Variants in RPS6KC1 observed in about 807,000 individuals in gnomAD.
RPS6KC1 encodes the protein inactive ribosomal protein S6 kinase delta-1.
RPS6KC1 carries 54 observed loss-of-function variants against 103.8 expected under a neutral mutation model. That is an observed-to-expected ratio of 0.52 (90% CI 0.42 to 0.65). The LOEUF (loss-of-function observed/expected upper bound fraction) is 0.65. Among genes scored for constraint, RPS6KC1 ranks in the 30% least tolerant of loss-of-function variants. The pLI, the probability that RPS6KC1 is intolerant of heterozygous loss-of-function variation, is 0.00. For synonymous variants in RPS6KC1, 439 were observed against 438.7 expected (o/e 1.00, Z -0.01); for missense variants, 1,151 against 1,253.8 (o/e 0.92, Z 1.24).
At chr1:213,139,035 A>G (rs374288019) in intron 6 of RPS6KC1, among the ~76,000 whole-genome samples, 1 of 152,262 alleles carries the variant, frequency 6.6e-6, no homozygotes, top group South Asian at 2.1e-4. Context: ...TGACTTTGTA[A>G]TAACAGCCAT....
At chr1:213,504,784 T>G in the RPS6KC1 span, among the ~76,000 whole-genome samples, 1 of 152,186 alleles carries the variant, frequency 6.6e-6, no homozygotes. Context: ...TTTTTTCCCC[T>G]CTCTCTGGAA....
intron 3 of RPS6KC1, among the ~76,000 whole-genome samples, chr1:213,078,155 A>G (rs1288069409): frequency 6.6e-6 from 1 of 151,090 alleles, no homozygotes; most frequent in Non-Finnish European, 1.5e-5. Flanking sequence ...TGTTTCCCTG[A>G]CACTTTGCTT....
the RPS6KC1 span, among the ~76,000 whole-genome samples, chr1:213,489,206 A>G: frequency 6.6e-6 from 1 of 152,160 alleles, no homozygotes; most frequent in Non-Finnish European, 1.5e-5. Context: ...ATCAGACCTG[A>G]GTACAGTTGC....
At chr1:213,445,226 C>G in the RPS6KC1 span, among the ~76,000 whole-genome samples, 2 of 152,144 alleles carry the variant, frequency 1.3e-5, no homozygotes, top group African/African-American at 4.8e-5. Flanking sequence ...ATGGACATAT[C>G]ATGTTTTATT....
At chr1:213,159,541 TA>T (rs1380110416) in intron 6 of RPS6KC1, among the ~76,000 whole-genome samples, 7 of 152,234 alleles carry the variant, frequency 4.6e-5, no homozygotes, top group African/African-American at 1.4e-4. Flanking sequence ...ATGGACACCA[TA>T]AAAAATGCAT....
At chr1:213,226,177 C>G (rs1326903223) in intron 8 of RPS6KC1, among the ~76,000 whole-genome samples, 3 of 148,430 alleles carry the variant, frequency 2.0e-5, no homozygotes, top group Non-Finnish European at 4.5e-5. Flanking sequence ...GAGCGGAGAT[C>G]GCACCACTGC....
intron 10 of RPS6KC1, 41 bp from the exon 11 acceptor site, chr1:213,240,661 G>A (rs878901963): frequency 1.3e-6 from 2 of 1,499,548 alleles, no homozygotes; most frequent in South Asian, 2.7e-5. Context: ...TCAATTTGGA[G>A]ATCTTAATAC....
chr1:213,179,441 CA>C (rs2092118167), intron 8 of RPS6KC1, among the ~76,000 whole-genome samples: 1 of 150,082 alleles, frequency 6.7e-6, no homozygotes, highest in Non-Finnish European at 1.5e-5. Flanking sequence ...AAAAAAAAAG[CA>C]GGTACATTTT....
the RPS6KC1 span, among the ~76,000 whole-genome samples, chr1:213,786,409 G>A: frequency 6.6e-6 from 1 of 152,036 alleles, no homozygotes; most frequent in Non-Finnish European, 1.5e-5. Flanking sequence ...ACTGTCAAAA[G>A]GACAACATGA....
At chr1:213,436,620 C>T in the RPS6KC1 span, among the ~76,000 whole-genome samples, 2 of 152,164 alleles carry the variant, frequency 1.3e-5, no homozygotes, top group Admixed American at 6.5e-5. Context: ...TTAAAATTTA[C>T]ATTCTTCTTA....
the RPS6KC1 span, among the ~76,000 whole-genome samples, chr1:213,455,817 A>C: frequency 1.3e-5 from 2 of 152,180 alleles, no homozygotes; most frequent in Admixed American, 6.5e-5. Flanking sequence ...TTTTATTGAT[A>C]ATTTTATTTT....
the RPS6KC1 span, among the ~76,000 whole-genome samples, chr1:213,810,587 A>T: frequency 6.6e-6 from 1 of 152,200 alleles, no homozygotes; most frequent in African/African-American, 2.4e-5. Context: ...ATACTTCCCA[A>T]ATAACTAGGG....
At chr1:213,081,330 A>C (rs1487778778) in intron 3 of RPS6KC1, among the ~76,000 whole-genome samples, 1 of 152,216 alleles carries the variant, frequency 6.6e-6, no homozygotes, top group Non-Finnish European at 1.5e-5. Context: ...AGAGGCCACC[A>C]CATGACGAGA....
At chr1:213,763,876 C>T in the RPS6KC1 span, among the ~76,000 whole-genome samples, 1 of 152,208 alleles carries the variant, frequency 6.6e-6, no homozygotes. Context: ...GTTTAAGCCC[C>T]ATGCTTTATT....
In RPS6KC1 at chr1:213,119,473, T is replaced by TG. The variant is rs2084118851; in HGVS notation, c.472+2063_472+2064insG. On this transcript the variant is annotated intron_variant, in intron 5 of 14. Transcript: ENST00000366960. ...ATATATATATATATATATATATATA[T>TG]ATATATATATATATATATATATATA... 5.3e-5 allele frequency among the ~76,000 whole-genome samples: 3 copies of TG among 56,310 alleles called. No individual in the cohort carries two copies. In the South Asian group the frequency reaches 1.5e-3, roughly 27 times the overall value. 36.9% of individuals were successfully genotyped at this position (56,310 alleles called of 152,430 possible). A position where few individuals can be genotyped will look rare whatever the true frequency, so the allele number is the denominator to read the frequency against.
At chr1:213,232,025 G>T in intron 9 of RPS6KC1, 98 bp from the exon 10 acceptor site, 1 of 1,463,394 alleles carries the variant, frequency 6.8e-7, no homozygotes, top group Non-Finnish European at 9.4e-7. Flanking sequence ...GAGTAACTCG[G>T]ATAGATTAGT....
chr1:213,082,139 G>T (rs898081199), intron 3 of RPS6KC1, among the ~76,000 whole-genome samples: 13 of 151,968 alleles, frequency 8.6e-5, no homozygotes, highest in African/African-American at 3.1e-4. Context: ...TGATTAATTG[G>T]GCCCGGCACG....
intron 3 of RPS6KC1, among the ~76,000 whole-genome samples, chr1:213,084,599 A>G (rs1314109829): frequency 1.3e-5 from 2 of 152,232 alleles, no homozygotes; most frequent in African/African-American, 4.8e-5. Flanking sequence ...GATATAATCT[A>G]CCATCTGTAT....
chr1:213,505,434 C>T, the RPS6KC1 span, among the ~76,000 whole-genome samples: 5 of 152,198 alleles, frequency 3.3e-5, no homozygotes, highest in South Asian at 2.1e-4. Flanking sequence ...AGCCCTACCA[C>T]GTGCCAGCTA....
Sources: allele counts gnomAD v4.1 joint callset (sites outside exome capture counted in the v4.1 genomes callset), GRCh38; gene constraint gnomAD v4.1.1; transcripts MANE v1.5; gene names NCBI Gene and HGNC (gene_info 2026-07-23, HGNC 2026-07-21).